The following VWA8 variants were observed in gnomAD, a reference collection of about 807,000 sequenced individuals.
The protein encoded by VWA8 is von Willebrand factor A domain-containing protein 8.
In VWA8, 221 loss-of-function variants were observed where a neutral mutation model predicts 241.5. The ratio of observed to expected loss-of-function variants is 0.91; its 90% CI spans 0.82 to 1.02. VWA8 has a LOEUF of 1.02. Ranked by LOEUF, VWA8 falls within the 50% of genes least tolerant of loss-of-function variation. VWA8 has a pLI of 0.00. For synonymous variants in VWA8, 852 were observed against 827.1 expected (o/e 1.03, Z -0.52); for missense variants, 2,322 against 2,328.7 (o/e 1.00, Z 0.06).
At chr13:41,625,195 T>A (rs2044681434) in intron 37 of VWA8, among the ~76,000 whole-genome samples, 1 of 151,584 alleles carries the variant, frequency 6.6e-6, no homozygotes, top group African/African-American at 2.4e-5. Flanking sequence ...CACTCATAAA[T>A]TAAAGTAATG....
chr13:41,571,680 C>T (rs928335402), intron 43 of VWA8, among the ~76,000 whole-genome samples: 2 of 152,186 alleles, frequency 1.3e-5, no homozygotes, highest in Admixed American at 6.5e-5. Flanking sequence ...AGTGCAGTGG[C>T]GTGATCTCGG....
chr13:41,714,312 A>G (rs898392945), intron 26 of VWA8, among the ~76,000 whole-genome samples: 4 of 152,028 alleles, frequency 2.6e-5, no homozygotes, highest in African/African-American at 9.6e-5. Flanking sequence ...GTAGCTTAAT[A>G]TGAAGTAAGT....
chr13:41,916,224 C>A lies in VWA8; in HGVS notation c.242-4056G>T, dbSNP rs578066246. On this transcript the variant is annotated intron_variant, in intron 2 of 44. Coordinates refer to ENST00000379310, the MANE Select transcript of VWA8 (RefSeq NM_015058.2). ...TTAAATACTCATTACTCCCATTTTA[C>A]AATAAGAAAATCAAAATTGGAAATG... 2.0e-5 allele frequency among the ~76,000 whole-genome samples: 3 copies of A among 152,294 alleles called. No homozygotes were observed. In the South Asian group the frequency reaches 6.2e-4, roughly 32 times the overall value.
chr13:41,731,570 CT>C (rs1362258091), intron 22 of VWA8, among the ~76,000 whole-genome samples: 5 of 152,154 alleles, frequency 3.3e-5, no homozygotes, highest in Non-Finnish European at 5.9e-5. Context: ...CATATATCCT[CT>C]CCTAAAATGA....
intron 12 of VWA8, among the ~76,000 whole-genome samples, chr13:41,854,044 A>C (rs1235738068): frequency 6.6e-6 from 1 of 152,172 alleles, no homozygotes; most frequent in East Asian, 1.9e-4. Flanking sequence ...ACAGTTGCTG[A>C]AGAGTCAGTT....
chr13:41,576,955 C>A (rs1052732571), intron 42 of VWA8, among the ~76,000 whole-genome samples: 2 of 152,260 alleles, frequency 1.3e-5, no homozygotes, highest in African/African-American at 4.8e-5. Context: ...GACATCCACA[C>A]TCCATCGCTC....
At chr13:41,899,036 G>A (rs1388200644) in intron 4 of VWA8, among the ~76,000 whole-genome samples, 1 of 152,232 alleles carries the variant, frequency 6.6e-6, no homozygotes, top group African/African-American at 2.4e-5. Context: ...CCACAGTGCA[G>A]CGGTGGGCTG....
At chr13:41,724,613 G>A (rs189595096) in intron 24 of VWA8, among the ~76,000 whole-genome samples, 231 of 152,296 alleles carry the variant, frequency 1.5e-3, no homozygotes, top group African/African-American at 5.3e-3. Context: ...GGAGTCTGTG[G>A]ACATTTGTTT....
rs2875449 is a variant in VWA8 at position 41,675,326 on chromosome 13, A to G, written c.4328-30T>C. 9.8e-6 allele frequency: 15 copies of G among 1,524,566 alleles called. 1 individual carries two copies. The Admixed American group carries it at 2.4e-4, about 24-fold the overall frequency. The allele number at this position is 1,524,566 out of a possible 1,614,324, so 94.4% of individuals were successfully genotyped here. ...AAACAAGTCATGACATGAGCCAAGT[A>G]TTAAATTACTGCAAGATACCAAAAT... On this transcript the variant is annotated intron_variant, in intron 35 of 44. Transcript: ENST00000379310.
intron 6 of VWA8, 143 bp from the exon 7 acceptor site, chr13:41,886,973 A>G: frequency 1.2e-6 from 1 of 868,846 alleles, no homozygotes; most frequent in Non-Finnish European, 1.7e-6. Context: ...GATACATTTC[A>G]TTTTCTAAAA....
chr13:41,863,385 T>G, intron 12 of VWA8, among the ~76,000 whole-genome samples: 1 of 132,578 alleles, frequency 7.5e-6, no homozygotes, highest in South Asian at 2.4e-4. Flanking sequence ...TGTGTGTGTG[T>G]ATCTCCTATT....
chr13:41,939,487 A>G (rs1877500752), intron 2 of VWA8, among the ~76,000 whole-genome samples: 1 of 152,208 alleles, frequency 6.6e-6, no homozygotes, highest in Admixed American at 6.5e-5. Context: ...TCATAAAAAA[A>G]AAAACTGAAG....
chr13:41,860,089 G>C (rs1303880783), intron 12 of VWA8, among the ~76,000 whole-genome samples: 2 of 152,196 alleles, frequency 1.3e-5, no homozygotes, highest in African/African-American at 4.8e-5. Flanking sequence ...ATAATAAAAA[G>C]CAACTGATTA....
At chr13:41,832,975 C>T (rs1345122483) in intron 13 of VWA8, among the ~76,000 whole-genome samples, 2 of 151,656 alleles carry the variant, frequency 1.3e-5, no homozygotes, top group Non-Finnish European at 2.9e-5. Flanking sequence ...CAAGACCAAC[C>T]AATAATTAAG....
At position 41,674,445 on chromosome 13, in the gene VWA8, T is replaced by C. The variant is rs564676703; in HGVS notation, c.4409+770A>G. ...ATGAGAGGAGCAGATGTGATTGCAA[T>C]ATAGGTCAAAATAGAGTAGAAAGAT... On this transcript the variant is annotated intron_variant, in intron 36 of 44. Transcript: ENST00000379310. 9.2e-5 allele frequency among the ~76,000 whole-genome samples: 14 copies of C among 152,124 alleles called. 1 individual carries two copies. The East Asian group carries it at 2.7e-3, about 29-fold the overall frequency.
chr13:41,837,889 T>C (rs1871813535), intron 12 of VWA8, among the ~76,000 whole-genome samples: 1 of 152,166 alleles, frequency 6.6e-6, no homozygotes. Flanking sequence ...CCTGATCCAC[T>C]TCCTCTTTCT....
chr13:41,678,280 T>G (rs765471522), intron 35 of VWA8, among the ~76,000 whole-genome samples: 41 of 152,266 alleles, frequency 2.7e-4, no homozygotes, highest in Non-Finnish European at 5.1e-4. Flanking sequence ...AGAGTTACTA[T>G]AGTAATTTGA....
chr13:41,922,164 A>G (rs2138127805), intron 2 of VWA8, among the ~76,000 whole-genome samples: 1 of 152,358 alleles, frequency 6.6e-6, no homozygotes, highest in Middle Eastern at 3.4e-3. Flanking sequence ...GACAAACCTG[A>G]CAAAAACAAG....
At chr13:41,715,843 T>C (rs1375677447) in intron 26 of VWA8, among the ~76,000 whole-genome samples, 1 of 152,028 alleles carries the variant, frequency 6.6e-6, no homozygotes, top group African/African-American at 2.4e-5. Context: ...GCATCAATTG[T>C]CTTGTTTCTC....
Sources: gnomAD v4.1 joint callset for allele counts (sites outside exome capture counted in the v4.1 genomes callset) on GRCh38, gnomAD v4.1.1 for gene constraint, MANE v1.5 for transcripts, NCBI Gene and HGNC (gene_info 2026-07-23, HGNC 2026-07-21) for gene names.